SV2C: variants seen among roughly 807,000 people sequenced by gnomAD.
SV2C encodes the protein solute carrier family 22 member B3.
In SV2C, 49 loss-of-function variants were observed where a neutral mutation model predicts 79.7. That is an observed-to-expected ratio of 0.61 (90% CI 0.49 to 0.78). The LOEUF is 0.78. Among genes scored for constraint, SV2C ranks in the 30% least tolerant of loss-of-function variants. SV2C has a pLI of 0.00. For missense variants in SV2C, 833 were observed against 912.9 expected (o/e 0.91, Z 1.13); for synonymous variants, 334 against 333.2 (o/e 1.00, Z -0.03).
Position 76,118,151 on chromosome 5 carries a change from C to T in SV2C, c.-101-13499C>T, listed in dbSNP as rs544751479. Among the ~76,000 whole-genome samples, 33 of 152,326 alleles carry T rather than the reference C, an allele frequency of 2.2e-4. 1 individual carries two copies. The highest frequency in any genetic ancestry group is 7.7e-4 in the African/African-American group (32 of 41,566). ...TAAGATGTGAGCAGAGCTGCACTCTCTCTAAGGAGACTCCCTCCTTGCTCT... is the reference window on the plus strand; with the variant it reads ...TAAGATGTGAGCAGAGCTGCACTCTTTCTAAGGAGACTCCCTCCTTGCTCT... On this transcript the variant is annotated intron_variant, in intron 1 of 12. Transcript: ENST00000502798.
At chr5:76,020,874 G>C in the SV2C span, among the ~76,000 whole-genome samples, 1 of 152,162 alleles carries the variant, frequency 6.6e-6, no homozygotes, top group Admixed American at 6.6e-5. Flanking sequence ...TGACACACTA[G>C]GGAAGGCCAA....
intron 12 of SV2C, among the ~76,000 whole-genome samples, chr5:76,324,650 C>T (rs1405823532): frequency 6.6e-6 from 1 of 151,168 alleles, no homozygotes; most frequent in African/African-American, 2.4e-5. Flanking sequence ...TTGAGACCAG[C>T]CAGGGCAACG....
chr5:76,188,888 G>A (rs991715766), intron 2 of SV2C, among the ~76,000 whole-genome samples: 4 of 151,990 alleles, frequency 2.6e-5, no homozygotes, highest in Non-Finnish European at 5.9e-5. Context: ...ACCACACTCA[G>A]CCAACCATTT....
intron 2 of SV2C, among the ~76,000 whole-genome samples, chr5:76,182,099 T>C (rs906924155): frequency 5.3e-5 from 8 of 152,130 alleles, no homozygotes; most frequent in African/African-American, 1.7e-4. Flanking sequence ...CCTTGGTTTT[T>C]ATTTTTATTT....
intron 4 of SV2C, among the ~76,000 whole-genome samples, chr5:76,241,828 T>C (rs1363114968): frequency 6.6e-6 from 1 of 152,136 alleles, no homozygotes; most frequent in Non-Finnish European, 1.5e-5. Context: ...CAATCCAGCT[T>C]TGGAGACATT....
chr5:76,058,208 A>G, the SV2C span, among the ~76,000 whole-genome samples: 1 of 152,128 alleles, frequency 6.6e-6, no homozygotes, highest in Non-Finnish European at 1.5e-5. Context: ...CTAAAACTGT[A>G]TCTACACCTG....
chr5:75,861,332 G>A, the SV2C span, among the ~76,000 whole-genome samples: 1 of 152,172 alleles, frequency 6.6e-6, no homozygotes, highest in African/African-American at 2.4e-5. Context: ...ACAGATGCTG[G>A]TGAGGCTATG....
the SV2C span, among the ~76,000 whole-genome samples, chr5:75,867,817 C>T: frequency 4.6e-5 from 7 of 152,328 alleles, no homozygotes; most frequent in South Asian, 1.5e-3. Context: ...TTACCTCTCT[C>T]AGCAAAAGCT....
chr5:76,230,703 G>C (rs10942761), intron 4 of SV2C, among the ~76,000 whole-genome samples: 126,416 of 151,930 alleles, frequency 0.83, 53,060 homozygotes, highest in African/African-American at 0.94. Context: ...ACAGGAGAAT[G>C]GCTTGAACCC....
the SV2C span, among the ~76,000 whole-genome samples, chr5:75,854,136 C>CT: frequency 1.8e-3 from 275 of 151,882 alleles, 2 homozygotes; most frequent in African/African-American, 6.0e-3. Flanking sequence ...TGTATTTACT[C>CT]TTTTTTTTCT....
rs114263090 is a variant in SV2C at position 76,095,768 on chromosome 5, G to T, written c.-102+12256G>T. 6.2e-3 allele frequency among the ~76,000 whole-genome samples: 950 copies of T among 152,108 alleles called. 8 individuals are homozygous for T. Among genetic ancestry groups the T allele is most frequent in the African/African-American group, 0.022 (897 of 41,510 alleles). ...AAAAATATCAGAATGTTAGTAACTA[G>T]ATAGAATGGTATATTTAGTTAATTT... On this transcript the variant is annotated intron_variant, in intron 1 of 12. Transcript: ENST00000502798.
chr5:76,198,546 C>T (rs952190250), intron 3 of SV2C, among the ~76,000 whole-genome samples: 2 of 152,180 alleles, frequency 1.3e-5, no homozygotes, highest in Non-Finnish European at 2.9e-5. Flanking sequence ...ACTGCCCCAC[C>T]TCAGGTATTC....
the SV2C span, among the ~76,000 whole-genome samples, chr5:75,922,730 G>A: frequency 3.3e-5 from 5 of 152,186 alleles, no homozygotes; most frequent in African/African-American, 9.7e-5. Context: ...ATCACTCAGA[G>A]TGACACTTCA....
chr5:75,887,577 T>G, the SV2C span, among the ~76,000 whole-genome samples: 1 of 152,164 alleles, frequency 6.6e-6, no homozygotes, highest in African/African-American at 2.4e-5. Flanking sequence ...TCGTCTGGAA[T>G]GCAGGTACCT....
chr5:76,223,487 ATATATATATG>A (rs1172817145), intron 4 of SV2C, among the ~76,000 whole-genome samples: 831 of 38,726 alleles, frequency 0.021, 22 homozygotes, highest in African/African-American at 0.055. Context: ...ATATATATAT[ATATATATATG>A]TATATGTATA....
the SV2C span, among the ~76,000 whole-genome samples, chr5:75,923,958 G>T: frequency 6.6e-6 from 1 of 152,334 alleles, no homozygotes; most frequent in South Asian, 2.1e-4. Flanking sequence ...ACATGCGCAT[G>T]CATGTTTATA....
rs1429660833 is a variant in SV2C at position 76,309,621 on chromosome 5, A to AC, written c.2000+8076_2000+8077insC. Among the ~76,000 whole-genome samples the AC allele has an allele frequency of 1.8e-4, 27 of 148,590 alleles. 1 individual carries two copies. Among genetic ancestry groups the AC allele is most frequent in the Non-Finnish European group, 1.2e-4 (8 of 67,102 alleles). ...TCTCAAAAAAAAAAAAAAAAAAAAA[A>AC]AAAACAGAAAGAAAGAAAGAAAAAT... is the stretch of plus-strand genomic sequence containing the variant. On this transcript the variant is annotated intron_variant, in intron 12 of 12. Transcript: ENST00000502798.
chr5:75,959,620 G>A, the SV2C span, among the ~76,000 whole-genome samples: 1 of 151,922 alleles, frequency 6.6e-6, no homozygotes, highest in South Asian at 2.1e-4. Context: ...TCTGCTCAAG[G>A]AATCTAATCT....
At chr5:75,989,436 A>G in the SV2C span, among the ~76,000 whole-genome samples, 1 of 152,008 alleles carries the variant, frequency 6.6e-6, no homozygotes, top group East Asian at 1.9e-4. Context: ...CTCCAGCTCC[A>G]TTTATGTCCC....
Sources: gnomAD v4.1 joint callset for allele counts (sites outside exome capture counted in the v4.1 genomes callset) on GRCh38, gnomAD v4.1.1 for gene constraint, MANE v1.5 for transcripts, NCBI Gene and HGNC (gene_info 2026-07-23, HGNC 2026-07-21) for gene names.